Variants in ADAD1 observed in about 807,000 individuals in gnomAD.
ADAD1 encodes the protein adenosine deaminase domain-containing protein 1.
In ADAD1, 46 loss-of-function variants were observed where a neutral mutation model predicts 66.8. The ratio of observed to expected loss-of-function variants is 0.69; its 90% CI spans 0.54 to 0.88. The LOEUF is 0.88. Ranked by LOEUF, ADAD1 falls within the 40% of genes least tolerant of loss-of-function variation. ADAD1 has a pLI of 0.00. For missense variants in ADAD1, 617 were observed against 681.8 expected, an observed-to-expected ratio of 0.91 and a Z score of 1.06; for synonymous variants, 248 against 229.4, an observed-to-expected ratio of 1.08 and a Z score of -0.73.
chr4:122,414,675 C>G (rs1363069639), intron 10 of ADAD1, among the ~76,000 whole-genome samples: 1 of 152,084 alleles, frequency 6.6e-6, no homozygotes, highest in Admixed American at 6.5e-5. Flanking sequence ...TCTGTTGTTG[C>G]AAGAACTTCT....
chr4:122,415,439 A>G lies in ADAD1; in HGVS notation c.1310A>G (p.Asp437Gly), dbSNP rs1796685282. The change falls in exon 11 of 13, where the codon GAT (aspartate) becomes GGT (glycine). Residue 437 changes from aspartate to glycine, a missense_variant. Transcript: ENST00000296513. ...ATCGCTATAAAGCAACGTGTTGATG[A>G]TGCACTCACTTCAAAACTTCCAATG... Reference protein sequence around the residue: ...LEIAIKQRVDDALTSKLPMFY... With the variant: ...LEIAIKQRVDGALTSKLPMFY... The G allele has an allele frequency of 1.9e-6, 3 of 1,613,816 alleles. No homozygotes were observed. The highest frequency in any genetic ancestry group is 2.5e-6 in the Non-Finnish European group (3 of 1,179,874).
At position 122,421,127 on chromosome 4, in the gene ADAD1, T is replaced by TA. The variant is rs35017745; in HGVS notation, c.1488-124dup. ...GTAAATATTAAGAATGCCTCTTATG[T>TA]AAAAAAAAAATTACTATGTATATTG... On this transcript the variant is annotated intron_variant, in intron 11 of 12. Coordinates refer to ENST00000296513, the MANE Select transcript of ADAD1 (RefSeq NM_139243.4). 7.8e-3 allele frequency: 4,126 copies of TA among 528,138 alleles called. 7 individuals carry two copies. Among genetic ancestry groups the TA allele is most frequent in the Non-Finnish European group, 9.4e-3 (3,379 of 360,852 alleles). 32.7% of individuals were successfully genotyped at this position (528,138 alleles called of 1,614,324 possible).
intron 7 of ADAD1, among the ~76,000 whole-genome samples, chr4:122,399,747 T>C (rs1795884843): frequency 6.6e-6 from 1 of 150,970 alleles, no homozygotes; most frequent in African/African-American, 2.4e-5. Context: ...TTTCTTTTTT[T>C]TTTTTTTTTT....
chr4:122,425,486 A>G (rs1797190748), intron 12 of ADAD1, among the ~76,000 whole-genome samples: 1 of 152,054 alleles, frequency 6.6e-6, no homozygotes, highest in South Asian at 2.1e-4. Flanking sequence ...AACTAAGTGA[A>G]AGTGAAATGT....
At chr4:122,387,266 T>A (rs1394846306) in intron 5 of ADAD1, among the ~76,000 whole-genome samples, 2 of 152,160 alleles carry the variant, frequency 1.3e-5, no homozygotes, top group South Asian at 4.1e-4. Context: ...TCCTTGTTAG[T>A]TGTATTCCTA....
At chr4:122,380,441 T>A in intron 3 of ADAD1, 200 bp downstream of exon 3, 2 of 616,642 alleles carry the variant, frequency 3.2e-6, no homozygotes, top group Non-Finnish European at 5.4e-6. Flanking sequence ...TTTAACCATC[T>A]GTTACCACCT....
rs777778746 is a variant in ADAD1 at position 122,407,889 on chromosome 4, G to C, written c.725-19G>C. On this transcript the variant is annotated intron_variant, in intron 7 of 12. Coordinates refer to ENST00000296513, the MANE Select transcript of ADAD1 (RefSeq NM_139243.4). ...AGAGAGGTTAAATTAACCTGCTACT[G>C]TCTACCTTTTTCTTTCAGCTGGACA... is the stretch of plus-strand genomic sequence containing the variant. 2 of 1,611,070 alleles carry C rather than the reference G, an allele frequency of 1.2e-6. No homozygotes were observed. Among genetic ancestry groups the C allele is most frequent in the Non-Finnish European group, 1.7e-6 (2 of 1,178,290 alleles).
chr4:122,418,491 T>G (rs1353179730), intron 11 of ADAD1, among the ~76,000 whole-genome samples: 3 of 151,746 alleles, frequency 2.0e-5, no homozygotes, highest in African/African-American at 7.3e-5. Context: ...CCCAGCTAAT[T>G]TTTTGTATTT....
intron 4 of ADAD1, among the ~76,000 whole-genome samples, chr4:122,382,249 G>C (rs1251639621): frequency 6.6e-6 from 1 of 152,172 alleles, no homozygotes; most frequent in African/African-American, 2.4e-5. Context: ...TGACCTGTTG[G>C]TTGTTAATGG....
At chr4:122,412,086 G>A (rs755343823) in intron 9 of ADAD1, among the ~76,000 whole-genome samples, 4 of 152,068 alleles carry the variant, frequency 2.6e-5, no homozygotes, top group Non-Finnish European at 5.9e-5. Flanking sequence ...CCATCTAGTG[G>A]TAAACATGGG....
rs754392703 is a variant in ADAD1 at position 122,408,010 on chromosome 4, CA to C, written c.828del (p.Ala277GlnfsTer23). The C allele has an allele frequency of 2.5e-6, 4 of 1,613,106 alleles. No homozygotes were observed. The highest frequency in any genetic ancestry group is 1.7e-5 in the Admixed American group (1 of 59,970). On this transcript the variant is annotated frameshift_variant, in exon 8 of 13. Transcript: ENST00000296513. LOFTEE classifies it high-confidence loss of function. ...TTGCATGACACTCATGCTGTTGTTA[CA>C]GCAAGAAGGTCTCTTCTTAGGTAAG... ...RVLHDTHAVV[T>X]ARRSLLRYFY...
chr4:122,427,890 A>G (rs1256079720), intron 12 of ADAD1, among the ~76,000 whole-genome samples: 1 of 152,206 alleles, frequency 6.6e-6, no homozygotes, highest in Non-Finnish European at 1.5e-5. Context: ...AAACTTACCT[A>G]CTTTCAAAAC....
At chr4:122,381,232 A>ATT in intron 4 of ADAD1, 52 bp downstream of exon 4, 3 of 1,476,196 alleles carry the variant, frequency 2.0e-6, no homozygotes, top group Non-Finnish European at 2.7e-6. Flanking sequence ...GTATAGCAAA[A>ATT]TAATTGTGCT....
intron 12 of ADAD1, among the ~76,000 whole-genome samples, chr4:122,422,760 G>GA (rs1289259094): frequency 1.3e-5 from 2 of 151,842 alleles, no homozygotes; most frequent in East Asian, 1.9e-4. Context: ...ACAAAAGGCA[G>GA]AAAAAACATT....
At chr4:122,380,033 T>C (rs749894810) in intron 2 of ADAD1, 29 bp from the exon 3 acceptor site, 1 of 1,579,740 alleles carries the variant, frequency 6.3e-7, no homozygotes, top group Admixed American at 1.9e-5. Context: ...TTTTGTCTTG[T>C]TTTCTGCCAA....
intron 12 of ADAD1, among the ~76,000 whole-genome samples, chr4:122,424,021 T>C (rs1797124499): frequency 6.6e-6 from 1 of 152,144 alleles, no homozygotes; most frequent in South Asian, 2.1e-4. Flanking sequence ...AACAAAGCTG[T>C]CATAAAAGAG....
At chr4:122,425,533 G>A (rs912870426) in intron 12 of ADAD1, among the ~76,000 whole-genome samples, 3 of 151,532 alleles carry the variant, frequency 2.0e-5, no homozygotes, top group Non-Finnish European at 4.4e-5. Flanking sequence ...GTGGCCATTT[G>A]TATCCATAAG....
chr4:122,383,304 T>C (rs1329976770), intron 4 of ADAD1, among the ~76,000 whole-genome samples: 1 of 152,200 alleles, frequency 6.6e-6, no homozygotes, highest in Non-Finnish European at 1.5e-5. Flanking sequence ...TACACAGGGT[T>C]TCTTCAAAGA....
chr4:122,413,690 A>G (rs1009050457), intron 10 of ADAD1, among the ~76,000 whole-genome samples: 3 of 151,904 alleles, frequency 2.0e-5, no homozygotes, highest in Admixed American at 1.3e-4. Flanking sequence ...TTTAAGAAGC[A>G]GCTGATAACC....
Sources: gnomAD v4.1 joint callset for allele counts (sites outside exome capture counted in the v4.1 genomes callset) on GRCh38, gnomAD v4.1.1 for gene constraint, MANE v1.5 for transcripts, NCBI Gene and HGNC (gene_info 2026-07-23, HGNC 2026-07-21) for gene names.